GABRG3: variants seen among roughly 807,000 people sequenced by gnomAD.
GABRG3 encodes gamma-aminobutyric acid type A receptor subunit gamma3.
Under a neutral mutation model 48.8 loss-of-function variants are expected in GABRG3, and 25 were observed. That is an observed-to-expected ratio of 0.51 (90% CI 0.37 to 0.72). The LOEUF (loss-of-function observed/expected upper bound fraction) is 0.72. Ranked by LOEUF, GABRG3 falls within the 30% of genes least tolerant of loss-of-function variation. The pLI, the probability that GABRG3 is intolerant of heterozygous loss-of-function variation, is 0.00. For synonymous variants in GABRG3, 227 were observed against 217.6 expected, an observed-to-expected ratio of 1.04 and a Z score of -0.38; for missense variants, 394 against 577.9, an observed-to-expected ratio of 0.68 and a Z score of 3.26.
intron 5 of GABRG3, among the ~76,000 whole-genome samples, chr15:27,351,798 T>C (rs937592137): frequency 6.6e-6 from 1 of 151,198 alleles, no homozygotes; most frequent in African/African-American, 2.4e-5. Context: ...GGTGTCTGTA[T>C]ATATGATGTG....
At chr15:27,072,444 C>T (rs1313014383) in intron 3 of GABRG3, among the ~76,000 whole-genome samples, 1 of 152,122 alleles carries the variant, frequency 6.6e-6, no homozygotes, top group African/African-American at 2.4e-5. Context: ...CTAGAGGACA[C>T]TCAAAATAGC....
chr15:26,990,953 C>T (rs774286632), intron 2 of GABRG3, among the ~76,000 whole-genome samples: 4 of 151,860 alleles, frequency 2.6e-5, no homozygotes, highest in Non-Finnish European at 4.4e-5. Flanking sequence ...TACAGGCATG[C>T]GCCACCAGAC....
chr15:27,052,146 CT>C (rs1417305115), intron 3 of GABRG3, among the ~76,000 whole-genome samples: 5 of 152,186 alleles, frequency 3.3e-5, no homozygotes, highest in Non-Finnish European at 7.3e-5. Flanking sequence ...TTGGGGCCCC[CT>C]GATCTAAGAG....
At chr15:27,165,945 TAAG>T (rs1347200186) in intron 3 of GABRG3, among the ~76,000 whole-genome samples, 1 of 151,988 alleles carries the variant, frequency 6.6e-6, no homozygotes, top group African/African-American at 2.4e-5. Flanking sequence ...GTGAGAGATG[TAAG>T]AAGACATGCA....
chr15:27,044,220 C>T (rs1398896567), intron 3 of GABRG3, among the ~76,000 whole-genome samples: 3 of 152,146 alleles, frequency 2.0e-5, no homozygotes, highest in Non-Finnish European at 4.4e-5. Flanking sequence ...GCCTGAATGT[C>T]AGGAGGGGAG....
intron 3 of GABRG3, among the ~76,000 whole-genome samples, chr15:27,067,157 C>T (rs538507651): frequency 1.3e-5 from 2 of 152,162 alleles, no homozygotes; most frequent in African/African-American, 4.8e-5. Context: ...AATGTTCTCC[C>T]GTCCCTCCAG....
chr15:27,523,619 A>T (rs1248103093), intron 7 of GABRG3, among the ~76,000 whole-genome samples: 1 of 151,942 alleles, frequency 6.6e-6, no homozygotes, highest in Non-Finnish European at 1.5e-5. Flanking sequence ...GAATGCACAC[A>T]TGCTTCAACT....
intron 5 of GABRG3, among the ~76,000 whole-genome samples, chr15:27,477,104 A>AAG (rs1185897236): frequency 6.6e-6 from 1 of 152,220 alleles, no homozygotes; most frequent in Non-Finnish European, 1.5e-5. Flanking sequence ...TCAAAAGACA[A>AAG]GTCACATCCA....
chr15:27,341,320 G>A (rs1173337041), intron 5 of GABRG3, among the ~76,000 whole-genome samples: 1 of 152,036 alleles, frequency 6.6e-6, no homozygotes, highest in Non-Finnish European at 1.5e-5. Context: ...AGAGCTAACC[G>A]CTAGCTTCTT....
Position 27,539,740 on chromosome 15 carries a change from G to A in GABRG3, c.*6859G>A, listed in dbSNP as rs923464584. 2.6e-5 allele frequency: 4 copies of A among 152,166 alleles called. No homozygotes were observed. The highest frequency in any genetic ancestry group is 7.2e-5 in the African/African-American group (3 of 41,440). 9.4% of individuals were successfully genotyped at this position (152,166 alleles called of 1,614,324 possible). A position where few individuals can be genotyped will look rare whatever the true frequency, so the allele number is the denominator to read the frequency against. The stretch of plus-strand genomic sequence containing the variant: ...TAGCTTGGCAGACCCAGACCACCCT[G>A]AGCCAGCCTGCCACATCCGCTAGTC... On this transcript the variant is annotated 3_prime_UTR_variant, in exon 10 of 10. Coordinates refer to ENST00000615808, the MANE Select transcript of GABRG3 (RefSeq NM_033223.5).
At chr15:27,453,162 C>G (rs1889160044) in intron 5 of GABRG3, among the ~76,000 whole-genome samples, 1 of 152,096 alleles carries the variant, frequency 6.6e-6, no homozygotes, top group Non-Finnish European at 1.5e-5. Context: ...AAATGTTGGT[C>G]AAACTGTACA....
At chr15:27,136,488 TTC>T (rs1898009991) in intron 3 of GABRG3, among the ~76,000 whole-genome samples, 1 of 152,136 alleles carries the variant, frequency 6.6e-6, no homozygotes, top group South Asian at 2.1e-4. Flanking sequence ...TCCATGTATC[TTC>T]TGTGTCTTAC....
At chr15:27,187,618 A>G (rs1406231672) in intron 3 of GABRG3, among the ~76,000 whole-genome samples, 80 of 151,874 alleles carry the variant, frequency 5.3e-4, no homozygotes, top group Non-Finnish European at 5.9e-5. Flanking sequence ...GTAGAGCTCT[A>G]TTACTTCCCT....
chr15:27,126,378 G>A (rs1272622098), intron 3 of GABRG3, among the ~76,000 whole-genome samples: 3 of 152,174 alleles, frequency 2.0e-5, no homozygotes, highest in Non-Finnish European at 2.9e-5. Context: ...TGAATCCACC[G>A]TAACATTTGA....
At chr15:27,477,843 A>T (rs760263247) in intron 5 of GABRG3, among the ~76,000 whole-genome samples, 3 of 152,156 alleles carry the variant, frequency 2.0e-5, no homozygotes, top group South Asian at 2.1e-4. Context: ...GATCAAGACC[A>T]TCCTGGCTAA....
At chr15:27,379,850 TTG>T (rs1250771636) in intron 5 of GABRG3, among the ~76,000 whole-genome samples, 1 of 152,180 alleles carries the variant, frequency 6.6e-6, no homozygotes, top group Non-Finnish European at 1.5e-5. Context: ...AAGCTATTCT[TTG>T]TGTCTTTGAT....
intron 3 of GABRG3, among the ~76,000 whole-genome samples, chr15:27,248,890 C>G (rs1339095479): frequency 2.0e-5 from 3 of 151,458 alleles, no homozygotes; most frequent in Non-Finnish European, 2.9e-5. Flanking sequence ...GAAGCTGTCA[C>G]CTGGGGCTGT....
At position 27,136,479 on chromosome 15, in the gene GABRG3, C is replaced by T. The variant is rs184044550; in HGVS notation, c.270+109658C>T. Among the ~76,000 whole-genome samples the T allele has an allele frequency of 2.0e-5, 3 of 152,166 alleles. No homozygotes were observed. The East Asian group carries it at 5.8e-4, about 30-fold the overall frequency. ...AGGGTGGAAGGTGGCTGTGCTTAAT[C>T]CATGTATCTTCTGTGTCTTACCAGC... On this transcript the variant is annotated intron_variant, in intron 3 of 9. Coordinates refer to ENST00000615808, the MANE Select transcript of GABRG3 (RefSeq NM_033223.5).
rs1371031460 is a variant in GABRG3, at chr15:27,537,927, C to A, written c.*5046C>A. The A allele has an allele frequency of 6.6e-6, 1 of 151,928 alleles. No individual in the cohort carries two copies. Among genetic ancestry groups the A allele is most frequent in the Non-Finnish European group, 1.5e-5 (1 of 68,004 alleles). 9.4% of individuals were successfully genotyped at this position (151,928 alleles called of 1,614,324 possible). A position where few individuals can be genotyped will look rare whatever the true frequency, so the allele number is the denominator to read the frequency against. ...CCATCTCGGCTCACTGCAACCTCCA[C>A]CTCCCGGGTTCAAGCAATTCTCTTG... is the stretch of plus-strand genomic sequence containing the variant. On this transcript the variant is annotated 3_prime_UTR_variant, in exon 10 of 10. Transcript: ENST00000615808.
Sources: gnomAD v4.1 joint callset for allele counts (sites outside exome capture counted in the v4.1 genomes callset) on GRCh38, gnomAD v4.1.1 for gene constraint, MANE v1.5 for transcripts, NCBI Gene and HGNC (gene_info 2026-07-23, HGNC 2026-07-21) for gene names.